The following ATXN1 variants were observed in gnomAD, a reference collection of about 807,000 sequenced individuals.
The protein encoded by ATXN1 is ataxin-1.
ATXN1 carries 8 observed loss-of-function variants against 56.4 expected under a neutral mutation model. The observed-to-expected ratio is 0.14, with a 90% CI of 0.08 to 0.26. The LOEUF (loss-of-function observed/expected upper bound fraction) is 0.26. ATXN1 is among the 10% of genes least tolerant of loss of function. The probability of loss-of-function intolerance (pLI) is 1.00; values close to 1 mark genes in which losing one functional copy is unlikely to be tolerated. For missense variants in ATXN1, 987 were observed against 1,106.5 expected (o/e 0.89, Z 1.53); for synonymous variants, 514 against 494.6 (o/e 1.04, Z -0.52).
intron 6 of ATXN1, among the ~76,000 whole-genome samples, chr6:16,481,444 T>G (rs566899733): frequency 1.3e-5 from 2 of 152,320 alleles, no homozygotes; most frequent in East Asian, 3.9e-4. Flanking sequence ...TCAGCTCCCA[T>G]TTTTTAAGAC....
intron 3 of ATXN1, among the ~76,000 whole-genome samples, chr6:16,602,052 C>T (rs1561774091): frequency 6.6e-6 from 1 of 152,118 alleles, no homozygotes; most frequent in African/African-American, 2.4e-5. Flanking sequence ...AATATTGCCC[C>T]CATATAAGCT....
intron 1 of ATXN1, among the ~76,000 whole-genome samples, chr6:16,757,294 C>T (rs1400662235): frequency 6.6e-6 from 1 of 152,180 alleles, no homozygotes; most frequent in Non-Finnish European, 1.5e-5. Flanking sequence ...GCGGTTCCCA[C>T]CAGGTACATT....
chr6:16,354,913 T>C lies in ATXN1; in HGVS notation c.-160-26443A>G, dbSNP rs1299870810. Among the ~76,000 whole-genome samples the C allele has an allele frequency of 2.0e-5, 3 of 152,156 alleles. 1 individual carries two copies. In the East Asian group the frequency reaches 5.8e-4, roughly 29 times the overall value. On this transcript the variant is annotated intron_variant, in intron 6 of 7. Coordinates refer to ENST00000436367, the MANE Select transcript of ATXN1 (RefSeq NM_001128164.2). ...TAGCCTATGGTCAGAGCACAGAAAA[T>C]ACCTCCAGCATAGCTGGAGACTGGC...
At position 16,311,878 on chromosome 6, in the gene ATXN1, G is replaced by T. The variant is rs996082547; in HGVS notation, c.1918-5019C>A. On this transcript the variant is annotated intron_variant, in intron 7 of 7. Transcript: ENST00000436367. The stretch of plus-strand genomic sequence containing the variant: ...AGACTCTCTACCAGAGTTGCGGTTT[G>T]CTTATTCTTGCCCAACACCAGGCAG... Among the ~76,000 whole-genome samples the T allele has an allele frequency of 6.6e-5, 10 of 152,190 alleles. No homozygotes were observed. In the East Asian group the frequency reaches 1.9e-3, roughly 29 times the overall value.
intron 6 of ATXN1, among the ~76,000 whole-genome samples, chr6:16,407,173 G>GT (rs1222121256): frequency 2.0e-5 from 3 of 152,202 alleles, no homozygotes; most frequent in African/African-American, 7.2e-5. Flanking sequence ...AGATCACAGA[G>GT]TAATGACTGT....
At chr6:16,603,094 A>G (rs1025684509) in intron 3 of ATXN1, among the ~76,000 whole-genome samples, 1 of 152,128 alleles carries the variant, frequency 6.6e-6, no homozygotes, top group African/African-American at 2.4e-5. Context: ...ACTGGGATTG[A>G]CCCAGCCACC....
chr6:16,557,230 GGCAC>G (rs1310011046), intron 4 of ATXN1, among the ~76,000 whole-genome samples: 3 of 151,146 alleles, frequency 2.0e-5, no homozygotes, highest in African/African-American at 7.3e-5. Context: ...GGGAGGCTAA[GGCAC>G]AAGAATCGCT....
At chr6:16,457,001 C>T (rs886930044) in intron 6 of ATXN1, among the ~76,000 whole-genome samples, 8 of 152,176 alleles carry the variant, frequency 5.3e-5, no homozygotes, top group African/African-American at 1.2e-4. Context: ...GAGGACAAAA[C>T]GCATCACTCT....
chr6:16,629,105 C>CT (rs35410078), intron 3 of ATXN1, among the ~76,000 whole-genome samples: 94,782 of 152,024 alleles, frequency 0.62, 31,327 homozygotes, highest in African/African-American at 0.86. Context: ...TAAGTGTTCC[C>CT]TTTCTCCGCA....
At chr6:16,436,571 A>G (rs1422232666) in intron 6 of ATXN1, among the ~76,000 whole-genome samples, 4 of 152,114 alleles carry the variant, frequency 2.6e-5, no homozygotes, top group African/African-American at 7.2e-5. Context: ...ATAGAAAGCA[A>G]TGTGGTGACT....
At chr6:16,755,210 A>G (rs928391182) in intron 1 of ATXN1, among the ~76,000 whole-genome samples, 7 of 152,252 alleles carry the variant, frequency 4.6e-5, no homozygotes, top group African/African-American at 1.7e-4. Flanking sequence ...TTGCATGAGT[A>G]TGCTTTCTTA....
intron 3 of ATXN1, among the ~76,000 whole-genome samples, chr6:16,622,595 T>C (rs920911520): frequency 6.6e-6 from 1 of 152,246 alleles, no homozygotes; most frequent in Non-Finnish European, 1.5e-5. Context: ...CAAGAAAAGC[T>C]TCTCTCCAAA....
At chr6:16,609,198 T>C (rs530065930) in intron 3 of ATXN1, among the ~76,000 whole-genome samples, 58 of 152,290 alleles carry the variant, frequency 3.8e-4, no homozygotes, top group African/African-American at 1.4e-3. Context: ...CTTCCTAAAA[T>C]GGACTGAACG....
intron 2 of ATXN1, among the ~76,000 whole-genome samples, chr6:16,747,212 T>C (rs1760563980): frequency 6.6e-6 from 1 of 152,240 alleles, no homozygotes; most frequent in South Asian, 2.1e-4. Context: ...AACTGCACGC[T>C]GCTCGGTGTT....
At chr6:16,757,137 G>T (rs1463961929) in intron 1 of ATXN1, among the ~76,000 whole-genome samples, 1 of 152,186 alleles carries the variant, frequency 6.6e-6, no homozygotes, top group Non-Finnish European at 1.5e-5. Context: ...GTAATCTTGT[G>T]GCTAAAGAGT....
At chr6:16,532,899 C>G (rs1053021547) in intron 4 of ATXN1, among the ~76,000 whole-genome samples, 1 of 152,122 alleles carries the variant, frequency 6.6e-6, no homozygotes, top group African/African-American at 2.4e-5. Flanking sequence ...CCCAAAAAAA[C>G]TGAAAGGAGG....
chr6:16,595,987 C>A (rs1477135911), intron 3 of ATXN1, among the ~76,000 whole-genome samples: 1 of 152,042 alleles, frequency 6.6e-6, no homozygotes, highest in Non-Finnish European at 1.5e-5. Flanking sequence ...GAAGCTTTTG[C>A]AGCCCCGTTA....
At chr6:16,497,038 A>G (rs1760793963) in intron 5 of ATXN1, among the ~76,000 whole-genome samples, 1 of 152,174 alleles carries the variant, frequency 6.6e-6, no homozygotes, top group South Asian at 2.1e-4. Flanking sequence ...AGCTCTCAAA[A>G]GTTCATTTTT....
In ATXN1 at chr6:16,306,278, C is replaced by CAAATGGATACAAA; in HGVS notation, c.*50_*51insTTTGTATCCATTT. On this transcript the variant is annotated 3_prime_UTR_variant, in exon 8 of 8. Coordinates refer to ENST00000436367, the MANE Select transcript of ATXN1 (RefSeq NM_001128164.2). This position sits in a 1 kb window ranked among gnomAD's most constrained non-coding sequence, Gnocchi z 5.2. ...TTATTTTAGCCTACAGTACAGTAATCTGGATACAAATGATAAGGGAGAGCC... is the reference window on the plus strand; with the variant it reads ...TTATTTTAGCCTACAGTACAGTAATCAAATGGATACAAATGGATACAAATGATAAGGGAGAGCC... The CAAATGGATACAAA allele has an allele frequency of 1.3e-6, 2 of 1,536,030 alleles. No homozygotes were observed. Among genetic ancestry groups the CAAATGGATACAAA allele is most frequent in the East Asian group, 4.5e-5 (2 of 44,366 alleles).
Sources: allele counts gnomAD v4.1 joint callset (sites outside exome capture counted in the v4.1 genomes callset), GRCh38; gene constraint gnomAD v4.1.1; non-coding constraint Gnocchi (gnomAD v3.1); transcripts MANE v1.5; gene names NCBI Gene and HGNC (gene_info 2026-07-23, HGNC 2026-07-21).